Variants in DYNC2I2 observed in about 807,000 individuals in gnomAD.
DYNC2I2 encodes the protein dynein 2 intermediate chain 2, also known as cytoplasmic dynein 2 intermediate chain 2.
Under a neutral mutation model 52.0 loss-of-function variants are expected in DYNC2I2, and 39 were observed. The ratio of observed to expected loss-of-function variants is 0.75; its 90% CI spans 0.58 to 0.98. The LOEUF (loss-of-function observed/expected upper bound fraction) is 0.98, where lower values mean the gene tolerates loss of function less well. Among genes scored for constraint, DYNC2I2 ranks in the 50% least tolerant of loss-of-function variants. The probability of loss-of-function intolerance (pLI) is 0.00; values close to 1 mark genes in which losing one functional copy is unlikely to be tolerated. For synonymous variants in DYNC2I2, 359 were observed against 321.1 expected (o/e 1.12, Z -1.26); for missense variants, 743 against 728.4 (o/e 1.02, Z -0.23).
rs376399140 is a variant in DYNC2I2 at position 128,636,405 on chromosome 9, G to C, written c.579C>G (p.Ser193=). ...GGTCCAGGTTCCAGGCACACACGAA[G>C]GACTTAAGCGTGCTCCAGTCCCCAT... ...LDHGDWSTLK[S]FVCAWNLDRR... The change falls in exon 4 of 9, where the codon TCC becomes TCG. Residue 193 remains serine, a synonymous_variant. Coordinates refer to ENST00000372715, the MANE Select transcript of DYNC2I2 (RefSeq NM_052844.4). The C allele has an allele frequency of 6.2e-7, 1 of 1,609,704 alleles. No individual in the cohort carries two copies. The highest frequency in any genetic ancestry group is 1.3e-5 in the African/African-American group (1 of 74,904).
the DYNC2I2 span, among the ~76,000 whole-genome samples, chr9:128,682,527 A>C: frequency 6.6e-6 from 1 of 151,926 alleles, no homozygotes; most frequent in Non-Finnish European, 1.5e-5. Flanking sequence ...AAATACAAAA[A>C]ATTAGCCAGG....
intron 4 of DYNC2I2, 150 bp from the exon 5 acceptor site, chr9:128,635,917 C>T: frequency 1.3e-6 from 1 of 741,976 alleles, no homozygotes; most frequent in Non-Finnish European, 2.3e-6. Flanking sequence ...GAGGGAGAGT[C>T]CTAGCCCCCA....
At chr9:128,652,718 G>A (rs1170136959) in intron 1 of DYNC2I2, among the ~76,000 whole-genome samples, 13 of 149,948 alleles carry the variant, frequency 8.7e-5, no homozygotes, top group African/African-American at 2.3e-4. Context: ...TCGGGAGTTC[G>A]AAACCAGCCT....
At position 128,650,271 on chromosome 9, in the gene DYNC2I2, G is replaced by A. The variant is rs1405240114; in HGVS notation, c.186+6270C>T. On this transcript the variant is annotated intron_variant, in intron 1 of 8. Transcript: ENST00000372715. ...CCCCTCAGCTGAGACAGCAGGGCCAGTCACTGACACTCAGAAACTCCACGT... is the reference window on the plus strand; with the variant it reads ...CCCCTCAGCTGAGACAGCAGGGCCAATCACTGACACTCAGAAACTCCACGT... Among the ~76,000 whole-genome samples the A allele has an allele frequency of 2.7e-4, 15 of 55,450 alleles. 6 individuals carry two copies. In the East Asian group the frequency reaches 3.8e-3, roughly 14 times the overall value. 36.4% of individuals were successfully genotyped at this position (55,450 alleles called of 152,430 possible). A position where few individuals can be genotyped will look rare whatever the true frequency, so the allele number is the denominator to read the frequency against.
chr9:128,634,608 T>C (rs1056692076), intron 7 of DYNC2I2, 81 bp downstream of exon 7: 8 of 1,406,622 alleles, frequency 5.7e-6, no homozygotes, highest in South Asian at 1.4e-5. Context: ...TTGAAGCAGT[T>C]TGTCATGAGG....
In DYNC2I2 at chr9:128,636,298, T is replaced by C. The variant is rs773923351; in HGVS notation, c.686A>G (p.Gln229Arg). ...CAGCTCACCTGCGACGTGGGAGGGC[T>C]GCGTGGGGTGGAAGGCCAGACACAG... ...AVLCLAFHPT[Q>R]PSHVAGGLYS... Residue 229 changes from glutamine (Q) to arginine (R), a missense_variant, in exon 4 of 9, where the codon CAG becomes CGG. Transcript: ENST00000372715. The C allele has an allele frequency of 6.3e-7, 1 of 1,576,890 alleles. No individual in the cohort carries two copies.
At chr9:128,659,769 G>A (rs899941985), upstream of DYNC2I2, among the ~76,000 whole-genome samples, 4 of 151,812 alleles carry the variant, frequency 2.6e-5, no homozygotes, top group African/African-American at 4.8e-5. Context: ...TTAGCGAGGC[G>A]TGGTGGCACA....
At chr9:128,679,645 T>G in the DYNC2I2 span, among the ~76,000 whole-genome samples, 1 of 151,754 alleles carries the variant, frequency 6.6e-6, no homozygotes, top group East Asian at 1.9e-4. Flanking sequence ...TGTTTTTTGT[T>G]TTTTTTTGTT....
At chr9:128,666,064 G>T in the DYNC2I2 span, among the ~76,000 whole-genome samples, 1 of 151,890 alleles carries the variant, frequency 6.6e-6, no homozygotes, top group Admixed American at 6.6e-5. Context: ...GACAGAGCAA[G>T]ACTCCGTCTC....
intron 2 of DYNC2I2, among the ~76,000 whole-genome samples, chr9:128,638,954 A>G (rs535280541): frequency 6.6e-6 from 1 of 152,328 alleles, no homozygotes; most frequent in African/African-American, 2.4e-5. Flanking sequence ...GGAAGCTTTT[A>G]CAGGCCTTGT....
chr9:128,664,793 G>A, the DYNC2I2 span, among the ~76,000 whole-genome samples: 63 of 151,344 alleles, frequency 4.2e-4, 1 homozygote, highest in Admixed American at 3.8e-3. Context: ...CCAGTATTTC[G>A]TTTTTCAACA....
Position 128,640,874 on chromosome 9 carries a change from G to A in DYNC2I2, c.252C>T (p.Asp84=), listed in dbSNP as rs551871729. ...SASAQARNHV[D]AQVQTEAPVP... is the part of the protein sequence containing the mutation. Reference sequence around the variant, plus strand: ...CGGGGGCCTCCGTCTGCACCTGGGCGTCCACATGATTCCTGGCCTGGGCGG... The same window carrying A: ...CGGGGGCCTCCGTCTGCACCTGGGCATCCACATGATTCCTGGCCTGGGCGG... The change falls in exon 2 of 9, where the codon GAC becomes GAT. Residue 84 remains aspartate (D), a synonymous_variant. Transcript: ENST00000372715. 63 of 1,613,328 alleles carry A rather than the reference G, an allele frequency of 3.9e-5. No individual in the cohort carries two copies. The highest frequency in any genetic ancestry group is 4.5e-5 in the Non-Finnish European group (53 of 1,179,632).
At chr9:128,677,907 C>A in the DYNC2I2 span, among the ~76,000 whole-genome samples, 1 of 152,150 alleles carries the variant, frequency 6.6e-6, no homozygotes. Context: ...TCTCTGGGGA[C>A]AGCCATGTGA....
At chr9:128,652,306 C>G (rs558816364) in intron 1 of DYNC2I2, among the ~76,000 whole-genome samples, 8 of 150,544 alleles carry the variant, frequency 5.3e-5, no homozygotes, top group African/African-American at 2.0e-4. Flanking sequence ...GTGGCAGGCA[C>G]TTGTAATCCC....
upstream of DYNC2I2, chr9:128,656,937 A>G (rs1860842326): frequency 2.1e-5 from 10 of 481,806 alleles, no homozygotes; most frequent in South Asian, 5.2e-4. Flanking sequence ...TCCCCAGAAA[A>G]AGCACTCTAA....
Position 128,633,811 on chromosome 9 carries a change from TCTGTGCTCAGCTGCCACACCTTCA to T in DYNC2I2, c.1520_1543del (p.Val507_Thr514del). Reference sequence around the variant, plus strand: ...TTCCCGGGGCCCTTGTTCCGTGAACTCTGTGCTCAGCTGCCACACCTTCACTGTGCCCTGGGCATCGCCCGCAGC... The same window carrying T: ...TTCCCGGGGCCCTTGTTCCGTGAACTCTGTGCCCTGGGCATCGCCCGCAGC... On this transcript the variant is annotated inframe_deletion, in exon 9 of 9. Transcript: ENST00000372715. 2 of 1,613,598 alleles carry T rather than the reference TCTGTGCTCAGCTGCCACACCTTCA, an allele frequency of 1.2e-6. No homozygotes were observed. The highest frequency in any genetic ancestry group is 1.7e-6 in the Non-Finnish European group (2 of 1,180,026).
chr9:128,673,403 G>A, the DYNC2I2 span, among the ~76,000 whole-genome samples: 1 of 141,338 alleles, frequency 7.1e-6, no homozygotes, highest in South Asian at 2.4e-4. Flanking sequence ...GTGCAGTGGT[G>A]CAATCTGGGC....
chr9:128,639,910 C>A (rs1187151729), intron 2 of DYNC2I2, among the ~76,000 whole-genome samples: 1 of 152,172 alleles, frequency 6.6e-6, no homozygotes, highest in Non-Finnish European at 1.5e-5. Context: ...AGGTGATCCA[C>A]CCACCTTGGC....
intron 1 of DYNC2I2, among the ~76,000 whole-genome samples, chr9:128,644,429 C>T (rs549588720): frequency 4.6e-5 from 7 of 152,180 alleles, no homozygotes; most frequent in African/African-American, 1.7e-4. Context: ...TACACAACCA[C>T]ACCTGGCTGA....
Sources: gnomAD v4.1 joint callset for allele counts (sites outside exome capture counted in the v4.1 genomes callset) on GRCh38, gnomAD v4.1.1 for gene constraint, MANE v1.5 for transcripts, NCBI Gene and HGNC (gene_info 2026-07-23, HGNC 2026-07-21) for gene names.